Variants in SIMC1 observed in about 807,000 individuals in gnomAD.
SIMC1 encodes the protein SUMO-interacting motif-containing protein 1.
A neutral mutation model predicts 82.3 loss-of-function variants in SIMC1; 55 were observed. The ratio of observed to expected loss-of-function variants is 0.67; its 90% CI spans 0.54 to 0.84. The LOEUF (loss-of-function observed/expected upper bound fraction) is 0.84, where lower values mean the gene tolerates loss of function less well. Ranked by LOEUF, SIMC1 falls within the 40% of genes least tolerant of loss-of-function variation. The pLI, the probability that SIMC1 is intolerant of heterozygous loss-of-function variation, is 0.00. For synonymous variants in SIMC1, 353 were observed against 426.3 expected (o/e 0.83, Z 2.12); for missense variants, 915 against 1,107.2 (o/e 0.83, Z 2.46).
chr5:176,252,112 G>A (rs1388565767), intron 1 of SIMC1, among the ~76,000 whole-genome samples: 2 of 152,180 alleles, frequency 1.3e-5, no homozygotes, highest in East Asian at 3.8e-4. Context: ...CTCCCAGATG[G>A]GGTGGTGGCC....
chr5:176,313,670 T>G (rs372198463), intron 4 of SIMC1, 21 bp from the exon 5 acceptor site: 52 of 1,612,620 alleles, frequency 3.2e-5, no homozygotes, highest in Non-Finnish European at 4.4e-5. Context: ...AAAGACTGAC[T>G]TCTCATTCTT....
chr5:176,272,457 C>G (rs966316429), intron 1 of SIMC1, among the ~76,000 whole-genome samples: 1 of 151,814 alleles, frequency 6.6e-6, no homozygotes, highest in African/African-American at 2.4e-5. Context: ...AAATGTATAT[C>G]GAAATCCTAG....
intron 1 of SIMC1, among the ~76,000 whole-genome samples, chr5:176,279,929 G>C (rs1443301744): frequency 1.2e-4 from 18 of 152,106 alleles, no homozygotes; most frequent in Admixed American, 6.6e-5. Context: ...GTGGTGCGGT[G>C]CTGAAAAAAA....
At chr5:176,258,603 T>G (rs1204343884) in intron 1 of SIMC1, among the ~76,000 whole-genome samples, 2 of 152,004 alleles carry the variant, frequency 1.3e-5, no homozygotes, top group Non-Finnish European at 2.9e-5. Context: ...CTTTTTTTTT[T>G]TGAGATAGAG....
intron 7 of SIMC1, among the ~76,000 whole-genome samples, chr5:176,333,352 T>C (rs994713729): frequency 6.6e-6 from 1 of 152,310 alleles, no homozygotes; most frequent in East Asian, 1.9e-4. Flanking sequence ...ATTTGGTATA[T>C]AACCTTTTGG....
Position 176,290,844 on chromosome 5 carries a change from A to G in SIMC1, c.1320A>G (p.Pro440=). Residue 440 remains proline (P), a synonymous_variant, in exon 2 of 10, where the codon CCA becomes CCG. Transcript: ENST00000429602. ...CTGCCCACGTACAATCACGAACACC[A>G]CAAGGTGGGTTGTACAACAGACCAT... The part of the protein sequence containing the change: ...PGSAHVQSRT[P]QGGLYNRPCL... The G allele has an allele frequency of 6.2e-7, 1 of 1,613,754 alleles. No individual in the cohort carries two copies. Among genetic ancestry groups the G allele is most frequent in the Non-Finnish European group, 8.5e-7 (1 of 1,179,742 alleles).
At chr5:176,248,662 G>C (rs1474899734) in intron 1 of SIMC1, among the ~76,000 whole-genome samples, 2 of 152,144 alleles carry the variant, frequency 1.3e-5, no homozygotes, top group Admixed American at 6.6e-5. Context: ...AGTGGTGAGA[G>C]AGGGCATCCT....
intron 5 of SIMC1, among the ~76,000 whole-genome samples, chr5:176,320,282 G>A (rs1765101824): frequency 6.6e-6 from 1 of 152,060 alleles, no homozygotes; most frequent in Non-Finnish European, 1.5e-5. Flanking sequence ...CAGGATTGGG[G>A]AAGTTCTAGA....
At chr5:176,311,001 A>T (rs543188825) in intron 4 of SIMC1, among the ~76,000 whole-genome samples, 1 of 152,244 alleles carries the variant, frequency 6.6e-6, no homozygotes, top group African/African-American at 2.4e-5. Context: ...ATATGATTCT[A>T]TTTCTAAGAA....
At chr5:176,288,013 A>G (rs1318062534) in intron 1 of SIMC1, among the ~76,000 whole-genome samples, 9 of 152,220 alleles carry the variant, frequency 5.9e-5, no homozygotes, top group Non-Finnish European at 1.2e-4. Flanking sequence ...CTTGAAAGAC[A>G]AGAAACTCCA....
chr5:176,335,273 CT>C lies in SIMC1; in HGVS notation c.2172-1425del, dbSNP rs1225021593. Among the ~76,000 whole-genome samples, 718 of 98,638 alleles carry C rather than the reference CT, an allele frequency of 7.3e-3. 5 individuals carry two copies. The highest frequency in any genetic ancestry group is 0.024 in the African/African-American group (610 of 25,586). 64.7% of individuals were successfully genotyped at this position (98,638 alleles called of 152,430 possible). ...TCTAGATGTTGGCCTTTCTTTGTAT[CT>C]TTTTTTTTTTTTTTTTTTTTTAGAT... On this transcript the variant is annotated intron_variant, in intron 7 of 9. Transcript: ENST00000429602.
intron 2 of SIMC1, among the ~76,000 whole-genome samples, chr5:176,294,265 GT>G (rs1429986416): frequency 7.1e-6 from 1 of 141,428 alleles, no homozygotes; most frequent in East Asian, 2.1e-4. Context: ...GTCATTAAAA[GT>G]TTTTTAGATA....
intron 7 of SIMC1, among the ~76,000 whole-genome samples, chr5:176,332,826 A>G (rs1765724247): frequency 6.6e-6 from 1 of 152,374 alleles, no homozygotes; most frequent in African/African-American, 2.4e-5. Flanking sequence ...ACTATAGTAC[A>G]GTATCACAAC....
At chr5:176,269,366 A>G (rs1243839685) in intron 1 of SIMC1, among the ~76,000 whole-genome samples, 6 of 152,364 alleles carry the variant, frequency 3.9e-5, no homozygotes, top group African/African-American at 1.4e-4. Flanking sequence ...GTATAGAATT[A>G]TAAAGTTGAT....
At chr5:176,318,417 T>C (rs1765009476) in intron 5 of SIMC1, among the ~76,000 whole-genome samples, 1 of 152,238 alleles carries the variant, frequency 6.6e-6, no homozygotes, top group Non-Finnish European at 1.5e-5. Context: ...AAGATATTTA[T>C]TCACACTGGA....
intron 1 of SIMC1, among the ~76,000 whole-genome samples, chr5:176,252,061 A>G (rs530914635): frequency 6.6e-6 from 1 of 152,008 alleles, no homozygotes; most frequent in Admixed American, 6.5e-5. Flanking sequence ...CAAAACCACC[A>G]TTGTCATCAT....
chr5:176,275,815 A>G (rs1762663456), intron 1 of SIMC1, among the ~76,000 whole-genome samples: 1 of 151,652 alleles, frequency 6.6e-6, no homozygotes, highest in Non-Finnish European at 1.5e-5. Flanking sequence ...CATCCCAGGG[A>G]TGAAGCCCAC....
chr5:176,342,929 C>T (rs1242702152), intron 9 of SIMC1, among the ~76,000 whole-genome samples: 1 of 152,212 alleles, frequency 6.6e-6, no homozygotes, highest in Non-Finnish European at 1.5e-5. Flanking sequence ...TCCACTGTGT[C>T]CCCAGACTCT....
intron 5 of SIMC1, among the ~76,000 whole-genome samples, chr5:176,320,568 C>T (rs1765118865): frequency 6.6e-6 from 1 of 151,974 alleles, no homozygotes; most frequent in Admixed American, 6.6e-5. Flanking sequence ...CAGGTTTTCA[C>T]CATTTTGCCC....
Sources: gnomAD v4.1 joint callset for allele counts (sites outside exome capture counted in the v4.1 genomes callset) on GRCh38, gnomAD v4.1.1 for gene constraint, MANE v1.5 for transcripts, NCBI Gene and HGNC (gene_info 2026-07-23, HGNC 2026-07-21) for gene names.